BMP5: variants seen among roughly 807,000 people sequenced by gnomAD.
The protein encoded by BMP5 is bone morphogenetic protein 5.
In BMP5, 23 loss-of-function variants were observed where a neutral mutation model predicts 46.6. The ratio of observed to expected loss-of-function variants is 0.49; its 90% CI spans 0.35 to 0.70. The LOEUF (loss-of-function observed/expected upper bound fraction) is 0.70, where lower values mean the gene tolerates loss of function less well. Among genes scored for constraint, BMP5 ranks in the 30% least tolerant of loss-of-function variants. The pLI is 0.00. For missense variants in BMP5, 545 were observed against 565.6 expected (o/e 0.96, Z 0.37); for synonymous variants, 204 against 191.9 (o/e 1.06, Z -0.52).
intron 1 of BMP5, among the ~76,000 whole-genome samples, chr6:55,823,600 A>T (rs191460073): frequency 3.9e-5 from 6 of 152,146 alleles, no homozygotes; most frequent in South Asian, 2.1e-4. Flanking sequence ...TCAATTTCTA[A>T]GCCCTCATTA....
intron 1 of BMP5, among the ~76,000 whole-genome samples, chr6:55,820,594 T>C (rs1199999866): frequency 6.6e-6 from 1 of 151,832 alleles, no homozygotes. Context: ...ATTTTTTTAT[T>C]TTTTGTAGGG....
intron 3 of BMP5, among the ~76,000 whole-genome samples, chr6:55,790,098 T>C (rs1229999616): frequency 4.6e-5 from 7 of 152,182 alleles, no homozygotes; most frequent in Admixed American, 4.6e-4. Context: ...AATTTAATAA[T>C]ACACATCACT....
intron 1 of BMP5, among the ~76,000 whole-genome samples, chr6:55,833,769 G>A (rs111341841): frequency 7.2e-5 from 11 of 152,242 alleles, no homozygotes; most frequent in African/African-American, 2.6e-4. Flanking sequence ...AAAGGATATA[G>A]TGTCTCTTTT....
intron 2 of BMP5, among the ~76,000 whole-genome samples, chr6:55,813,170 T>C (rs1182714024): frequency 6.6e-6 from 1 of 152,176 alleles, no homozygotes; most frequent in Non-Finnish European, 1.5e-5. Context: ...TTACTCTCTA[T>C]ACCTGGCAGA....
intron 1 of BMP5, among the ~76,000 whole-genome samples, chr6:55,871,679 G>GA (rs1397514873): frequency 6.6e-6 from 1 of 151,590 alleles, no homozygotes; most frequent in African/African-American, 2.4e-5. Flanking sequence ...AAACTATGTT[G>GA]AAAAAAGAAT....
chr6:55,858,449 A>T (rs1777451111), intron 1 of BMP5, among the ~76,000 whole-genome samples: 1 of 152,240 alleles, frequency 6.6e-6, no homozygotes, highest in South Asian at 2.1e-4. Flanking sequence ...CACAGGAGGA[A>T]TTTCTAAGCA....
At chr6:55,786,411 G>T (rs1031338742) in intron 3 of BMP5, among the ~76,000 whole-genome samples, 1 of 151,580 alleles carries the variant, frequency 6.6e-6, no homozygotes, top group African/African-American at 2.4e-5. Context: ...AATTCTTCAA[G>T]TCACATAGAG....
rs1212008050 is a variant in BMP5, at chr6:55,754,354, C to T, written c.*1179G>A. Reference sequence around the variant, plus strand: ...CACACACACACACACACAACAGAACCTTCCTGTTTGGAATTATTTGTGCTT... The same window carrying T: ...CACACACACACACACACAACAGAACTTTCCTGTTTGGAATTATTTGTGCTT... On this transcript the variant is annotated 3_prime_UTR_variant, in exon 7 of 7. Coordinates refer to ENST00000370830, the MANE Select transcript of BMP5 (RefSeq NM_021073.4). The T allele has an allele frequency of 1.3e-5, 2 of 151,756 alleles. No individual in the cohort carries two copies. The highest frequency in any genetic ancestry group is 2.9e-5 in the Non-Finnish European group (2 of 67,808). 9.4% of individuals were successfully genotyped at this position (151,756 alleles called of 1,614,324 possible). A position where few individuals can be genotyped will look rare whatever the true frequency, so the allele number is the denominator to read the frequency against.
chr6:55,834,170 T>A (rs1582103683), intron 1 of BMP5, among the ~76,000 whole-genome samples: 1 of 152,234 alleles, frequency 6.6e-6, no homozygotes, highest in East Asian at 1.9e-4. Context: ...GTCATGGAAC[T>A]AGCATTAGTT....
chr6:55,757,294 A>G (rs1043743404), intron 6 of BMP5, among the ~76,000 whole-genome samples: 2 of 151,970 alleles, frequency 1.3e-5, no homozygotes, highest in African/African-American at 4.8e-5. Flanking sequence ...CTGCTTTCAT[A>G]GTCATCAAAA....
intron 4 of BMP5, among the ~76,000 whole-genome samples, chr6:55,768,131 A>T (rs1037745004): frequency 4.6e-5 from 7 of 151,952 alleles, no homozygotes; most frequent in African/African-American, 1.4e-4. Context: ...CATTCGATGG[A>T]AATAACTTCA....
chr6:55,756,024 T>C (rs553382750), intron 6 of BMP5, among the ~76,000 whole-genome samples: 39 of 151,926 alleles, frequency 2.6e-4, no homozygotes, highest in Non-Finnish European at 5.0e-4. Flanking sequence ...TGTTCCTATA[T>C]ATATCATGAG....
intron 1 of BMP5, among the ~76,000 whole-genome samples, chr6:55,841,196 C>T (rs1776942598): frequency 6.6e-6 from 1 of 152,164 alleles, no homozygotes; most frequent in African/African-American, 2.4e-5. Context: ...TTCCTCAAAA[C>T]CAATCCCTGA....
intron 2 of BMP5, among the ~76,000 whole-genome samples, chr6:55,816,015 T>A (rs1776254131): frequency 6.6e-6 from 1 of 152,066 alleles, no homozygotes; most frequent in African/African-American, 2.4e-5. Context: ...TTAATTGTGA[T>A]CAATGTAAAA....
At chr6:55,834,624 A>G (rs913591597) in intron 1 of BMP5, among the ~76,000 whole-genome samples, 3 of 152,186 alleles carry the variant, frequency 2.0e-5, no homozygotes, top group African/African-American at 7.2e-5. Flanking sequence ...GGCAGATACT[A>G]TACTAGCTGT....
chr6:55,821,114 A>G (rs1450986937), intron 1 of BMP5, among the ~76,000 whole-genome samples: 1 of 152,148 alleles, frequency 6.6e-6, no homozygotes, highest in Non-Finnish European at 1.5e-5. Flanking sequence ...AGATTATGGA[A>G]GGGAAAAGAT....
intron 1 of BMP5, among the ~76,000 whole-genome samples, chr6:55,856,031 C>T (rs1054404113): frequency 6.6e-6 from 1 of 151,990 alleles, no homozygotes; most frequent in African/African-American, 2.4e-5. Flanking sequence ...GTTCATGGCT[C>T]TTTTGTAGTC....
intron 1 of BMP5, among the ~76,000 whole-genome samples, chr6:55,826,904 T>C (rs1156463739): frequency 3.3e-5 from 5 of 151,762 alleles, no homozygotes; most frequent in Non-Finnish European, 7.4e-5. Context: ...TTATTACTCC[T>C]AATATTCTTT....
intron 4 of BMP5, among the ~76,000 whole-genome samples, chr6:55,764,334 G>A (rs940221735): frequency 2.0e-5 from 3 of 152,272 alleles, no homozygotes; most frequent in Middle Eastern, 3.4e-3. Flanking sequence ...AGCACTTTGG[G>A]AGGCCAAGGA....
Sources: allele counts gnomAD v4.1 joint callset (sites outside exome capture counted in the v4.1 genomes callset), GRCh38; gene constraint gnomAD v4.1.1; transcripts MANE v1.5; gene names NCBI Gene and HGNC (gene_info 2026-07-23, HGNC 2026-07-21).